Variants in GOLGA6L7 observed in about 807,000 individuals in gnomAD.
GOLGA6L7 encodes the protein golgin A6 family like 7.
A neutral mutation model predicts 68.9 loss-of-function variants in GOLGA6L7; 29 were observed. The ratio of observed to expected loss-of-function variants is 0.42; its 90% CI spans 0.31 to 0.57. The LOEUF is 0.57. Among genes scored for constraint, GOLGA6L7 ranks in the 20% least tolerant of loss-of-function variants. The pLI, the probability that GOLGA6L7 is intolerant of heterozygous loss-of-function variation, is 0.13. For synonymous variants in GOLGA6L7, 133 were observed against 197.4 expected (o/e 0.67, Z 2.73); for missense variants, 396 against 588.4 (o/e 0.67, Z 3.38).
intron 1 of GOLGA6L7, 98 bp downstream of exon 1, chr15:28,848,401 G>A (rs1232435281): frequency 2.2e-5 from 15 of 667,536 alleles, no homozygotes; most frequent in South Asian, 4.9e-5. Context: ...CCGGCCCTGC[G>A]TGCCTCTGGA....
Position 28,842,846 on chromosome 15 carries a change from C to T in GOLGA6L7, c.1258G>A (p.Glu420Lys), listed in dbSNP as rs1301661972. 3 of 1,246,162 alleles carry T rather than the reference C, an allele frequency of 2.4e-6. No homozygotes were observed. Among genetic ancestry groups the T allele is most frequent in the African/African-American group, 1.7e-5 (1 of 57,510 alleles). 77.2% of individuals were successfully genotyped at this position (1,246,162 alleles called of 1,614,324 possible). Residue 420 changes from glutamate to lysine, a missense_variant, in exon 9 of 9, where the codon GAG becomes AAG. Physicochemically the swap from Glu to Lys is moderately conservative, Grantham distance 56. Transcript: ENST00000567390. Reference protein sequence around the residue: ...QMGEQMRKQEEQMGEQEEQIR... With the variant: ...QMGEQMRKQEKQMGEQEEQIR... The stretch of plus-strand genomic sequence containing the variant: ...TGCTCCTCCTGCTCCCCCATCTGCT[C>T]CTCCTGCTTCCTCATCTGCTCCCCC...
At chr15:28,847,698 A>G (rs2030491183) in intron 1 of GOLGA6L7, among the ~76,000 whole-genome samples, 1 of 152,250 alleles carries the variant, frequency 6.6e-6, no homozygotes, top group Admixed American at 6.5e-5. Context: ...ATCAAGGAAA[A>G]CTGATGCTTC....
At chr15:28,845,197 T>C in intron 6 of GOLGA6L7, 1 of 442,650 alleles carries the variant, frequency 2.3e-6, no homozygotes, top group East Asian at 4.8e-5. Flanking sequence ...ACACAAATGG[T>C]AACATACTAA....
chr15:28,848,000 T>C lies in GOLGA6L7; in HGVS notation c.51+499A>G, dbSNP rs193222127. On this transcript the variant is annotated intron_variant, in intron 1 of 8. Coordinates refer to ENST00000567390, the MANE Select transcript of GOLGA6L7 (RefSeq NM_001365371.2). ...ATCAGTGCTGTGCCCAAGTTGCCTC[T>C]TTGAGATTGGCATGGGGTCACAGGG... Among the ~76,000 whole-genome samples, 3 of 152,282 alleles carry C rather than the reference T, an allele frequency of 2.0e-5. No individual in the cohort carries two copies. The East Asian group carries it at 5.8e-4, about 29-fold the overall frequency.
Position 28,842,624 on chromosome 15 carries a change from T to G in GOLGA6L7, c.1480A>C (p.Lys494Gln). ...QMGEQEEQMRKQVERLQFKEE... is the reference protein window; with the variant it reads ...QMGEQEEQMRQQVERLQFKEE... ...TTGAATTGCAGCCTCTCCACCTGCT[T>G]CCGCATCTGCTCCTCCTGCTCCCCC... Residue 494 changes from lysine to glutamine, a missense_variant, in exon 9 of 9, where the codon AAG becomes CAG. Lys to Gln is a moderately conservative substitution (Grantham distance 53). This residue lies in a region of GOLGA6L7 where 125 missense variants were observed against 163.3 expected (regional missense o/e 0.77). Coordinates refer to ENST00000567390, the MANE Select transcript of GOLGA6L7 (RefSeq NM_001365371.2). 6.2e-6 allele frequency: 8 copies of G among 1,294,426 alleles called. No homozygotes were observed. Among genetic ancestry groups the G allele is most frequent in the Non-Finnish European group, 6.8e-6 (7 of 1,027,398 alleles). The allele number at this position is 1,294,426 out of a possible 1,614,324, so 80.2% of individuals were successfully genotyped here. A position where few individuals can be genotyped will look rare whatever the true frequency, so the allele number is the denominator to read the frequency against.
intron 2 of GOLGA6L7, 23 bp downstream of exon 2, chr15:28,847,036 CTCAGG>C (rs1288980321): frequency 1.0e-6 from 1 of 999,322 alleles, no homozygotes; most frequent in Non-Finnish European, 1.5e-6. Flanking sequence ...GCCCCTTGTC[CTCAGG>C]AGACCGGCCA....
At chr15:28,845,430 T>A in intron 6 of GOLGA6L7, 99 bp downstream of exon 6, 1 of 700,072 alleles carries the variant, frequency 1.4e-6, no homozygotes, top group East Asian at 2.7e-5. Flanking sequence ...CATGCTGTCT[T>A]CTGGGCAGGA....
chr15:28,848,502 T>C lies in GOLGA6L7; in HGVS notation c.48A>G (p.Lys16=), dbSNP rs1336655819. 1.0e-5 allele frequency: 7 copies of C among 702,788 alleles called. No homozygotes were observed. Among genetic ancestry groups the C allele is most frequent in the Non-Finnish European group, 1.8e-5 (7 of 384,934 alleles). The allele number at this position is 702,788 out of a possible 1,614,324, so 43.5% of individuals were successfully genotyped here. A position where few individuals can be genotyped will look rare whatever the true frequency, so the allele number is the denominator to read the frequency against. Residue 16 remains lysine, a synonymous_variant, in exon 1 of 9, where the codon AAA becomes AAG. Coordinates refer to ENST00000567390, the MANE Select transcript of GOLGA6L7 (RefSeq NM_001365371.2). ...GCTGCAATCCGATGCGTTTTACCTT[T>C]TTCTTGGTCCCAGCCAATTTTCTTT... The part of the protein sequence containing the change: ...TQQRKLAGTK[K]KFTDYHQWNS...
chr15:28,844,809 C>G (rs113944586), intron 6 of GOLGA6L7, among the ~76,000 whole-genome samples: 1 of 151,326 alleles, frequency 6.6e-6, no homozygotes, highest in Admixed American at 6.6e-5. Context: ...AGACAGTTAT[C>G]ATTATCACCT....
rs2030244658 is a variant in GOLGA6L7 at position 28,842,780 on chromosome 15, GCTC to G, written c.1321_1323del (p.Glu441del). The stretch of plus-strand genomic sequence containing the variant: ...ATCTGCTCCTCCTGCTTCCGCATCT[GCTC>G]CTCCTGCTCCCCCATCTGCTCCTCC... On this transcript the variant is annotated inframe_deletion, in exon 9 of 9. Transcript: ENST00000567390. The G allele has an allele frequency of 1.6e-6, 2 of 1,244,178 alleles. No homozygotes were observed. Among genetic ancestry groups the G allele is most frequent in the African/African-American group, 1.7e-5 (1 of 57,732 alleles). 77.1% of individuals were successfully genotyped at this position (1,244,178 alleles called of 1,614,324 possible). A position where few individuals can be genotyped will look rare whatever the true frequency, so the allele number is the denominator to read the frequency against.
rs60784033 is a variant in GOLGA6L7, at chr15:28,845,125, T to TACACAC, written c.462+398_462+403dup. On this transcript the variant is annotated intron_variant, in intron 6 of 8. Coordinates refer to ENST00000567390, the MANE Select transcript of GOLGA6L7 (RefSeq NM_001365371.2). ...TATGTATATTACCATAATACGTACG[T>TACACAC]ACACACACACACACACACACACACA... The TACACAC allele has an allele frequency of 3.8e-3, 1,125 of 297,970 alleles. 13 individuals are homozygous for TACACAC. The highest frequency in any genetic ancestry group is 0.013 in the African/African-American group (478 of 36,356). 18.5% of individuals were successfully genotyped at this position (297,970 alleles called of 1,614,324 possible).
At chr15:28,847,725 T>G (rs1479801246) in intron 1 of GOLGA6L7, among the ~76,000 whole-genome samples, 2 of 152,226 alleles carry the variant, frequency 1.3e-5, no homozygotes, top group Non-Finnish European at 2.9e-5. Context: ...ATGCCCCATA[T>G]GTATCCTGTG....
intron 6 of GOLGA6L7, among the ~76,000 whole-genome samples, 197 bp from the exon 7 acceptor site, chr15:28,844,460 C>T (rs4036946): frequency 1.1e-4 from 13 of 115,184 alleles, no homozygotes; most frequent in Non-Finnish European, 1.5e-4. Context: ...GATGGAGTTT[C>T]GCTCTTGTTG....
rs1392191263 is a variant in GOLGA6L7 at position 28,842,513 on chromosome 15, T to C, written c.1591A>G (p.Lys531Glu). 7 of 1,191,012 alleles carry C rather than the reference T, an allele frequency of 5.9e-6. No homozygotes were observed. Among genetic ancestry groups the C allele is most frequent in the East Asian group, 6.3e-5 (2 of 31,772 alleles). 73.8% of individuals were successfully genotyped at this position (1,191,012 alleles called of 1,614,324 possible). A position where few individuals can be genotyped will look rare whatever the true frequency, so the allele number is the denominator to read the frequency against. The change falls in exon 9 of 9, where the codon AAG becomes GAG. Residue 531 changes from lysine to glutamate, a missense_variant. This residue lies in a region of GOLGA6L7 where 125 missense variants were observed against 163.3 expected (regional missense o/e 0.77). Coordinates refer to ENST00000567390, the MANE Select transcript of GOLGA6L7 (RefSeq NM_001365371.2). Reference protein sequence around the residue: ...RRQVEKRREKKERMGEQEKTQ... With the variant: ...RRQVEKRREKEERMGEQEKTQ... ...TTCTCCTGCTCTCCCATCCTCTCCT[T>C]CTTCTCCCGCCTCTTCTCCACCTGC...
Position 28,842,222 on chromosome 15 carries a change from T to C in GOLGA6L7, c.*13A>G, listed in dbSNP as rs2030211581. Reference sequence around the variant, plus strand: ...GCGGCTTACACTTCTGTAGGCCTTGTTGACCGTTCTTTTTAGATACTGATG... The same window carrying C: ...GCGGCTTACACTTCTGTAGGCCTTGCTGACCGTTCTTTTTAGATACTGATG... On this transcript the variant is annotated 3_prime_UTR_variant, in exon 9 of 9. Transcript: ENST00000567390. 8.1e-7 allele frequency: 1 copy of C among 1,227,288 alleles called. No homozygotes were observed. The highest frequency in any genetic ancestry group is 4.2e-5 in the Admixed American group (1 of 23,692). The allele number at this position is 1,227,288 out of a possible 1,614,324, so 76.0% of individuals were successfully genotyped here.
Position 28,843,227 on chromosome 15 carries a change from G to T in GOLGA6L7, c.877C>A (p.Arg293=), listed in dbSNP as rs1475279259. ...TTCCGCATCTGCTCCTCCTGCTTCC[G>T]CATCTGCTCCTCCTGCTTCCGCATC... ...EQMRKQEEQM[R]KQEEQMRKQE... is the part of the protein sequence containing the mutation. The change falls in exon 9 of 9, where the codon CGG becomes AGG. Residue 293 remains arginine, a synonymous_variant. Coordinates refer to ENST00000567390, the MANE Select transcript of GOLGA6L7 (RefSeq NM_001365371.2). 2 of 1,018,696 alleles carry T rather than the reference G, an allele frequency of 2.0e-6. No individual in the cohort carries two copies. Among genetic ancestry groups the T allele is most frequent in the Admixed American group, 8.1e-5 (2 of 24,784 alleles). The allele number at this position is 1,018,696 out of a possible 1,614,324, so 63.1% of individuals were successfully genotyped here.
In GOLGA6L7 at chr15:28,842,973, CCGCA is replaced by C; in HGVS notation, c.1127_1130del (p.Met376ArgfsTer14). 2 of 1,152,838 alleles carry C rather than the reference CCGCA, an allele frequency of 1.7e-6. No individual in the cohort carries two copies. The highest frequency in any genetic ancestry group is 1.1e-4 in the Admixed American group (2 of 17,518). 71.4% of individuals were successfully genotyped at this position (1,152,838 alleles called of 1,614,324 possible). On this transcript the variant is annotated frameshift_variant, in exon 9 of 9. Transcript: ENST00000567390. LOFTEE classifies it high-confidence loss of function. ...GCTTCCACATCTGCTCCTCCTGCTT[CCGCA>C]TCTGCTCCTCCTGCTCCCCTATCTG...
intron 7 of GOLGA6L7, 128 bp downstream of exon 7, chr15:28,844,077 G>A: frequency 7.0e-6 from 4 of 571,386 alleles, no homozygotes; most frequent in Non-Finnish European, 1.2e-5. Context: ...AGCCGGCACT[G>A]GAGCTTCCCT....
rs922842905 is a variant in GOLGA6L7 at position 28,843,029 on chromosome 15, C to T, written c.1075G>A (p.Glu359Lys). ...TCCTCCTGCTTCCACATCTGCTCCT[C>T]CTGCTTCCGCATCTGCTCCTTCTGC... is the stretch of plus-strand genomic sequence containing the variant. ...LKQKEQMRKQ[E>K]EQMWKQEEQI... The change falls in exon 9 of 9, where the codon GAG (glutamate) becomes AAG (lysine). Residue 359 changes from glutamate to lysine, a missense_variant. Around this residue, in one of 5 missense-constraint regions of GOLGA6L7, gnomAD observed 114 missense variants for 186.0 expected, o/e 0.61. Transcript: ENST00000567390. The T allele has an allele frequency of 5.8e-6, 7 of 1,216,848 alleles. No homozygotes were observed. Among genetic ancestry groups the T allele is most frequent in the Non-Finnish European group, 4.1e-6 (4 of 982,658 alleles). The allele number at this position is 1,216,848 out of a possible 1,614,324, so 75.4% of individuals were successfully genotyped here. A position where few individuals can be genotyped will look rare whatever the true frequency, so the allele number is the denominator to read the frequency against.
Sources: gnomAD v4.1 joint callset for allele counts (sites outside exome capture counted in the v4.1 genomes callset) on GRCh38, gnomAD v4.1.1 for gene constraint, gnomAD v4.1.1 regional missense constraint, MANE v1.5 for transcripts, NCBI Gene and HGNC (gene_info 2026-07-23, HGNC 2026-07-21) for gene names.